The following ASTN2 variants were observed in gnomAD, a reference collection of about 807,000 sequenced individuals.
ASTN2 encodes the protein astrotactin 2.
A neutral mutation model predicts 139.8 loss-of-function variants in ASTN2; 54 were observed. That is an observed-to-expected ratio of 0.39 (90% confidence interval 0.31 to 0.48). ASTN2 has a LOEUF of 0.48. Among genes scored for constraint, ASTN2 ranks in the 20% least tolerant of loss-of-function variants. The pLI is 0.95. For missense variants in ASTN2, 1,565 were observed against 1,725.1 expected (o/e 0.91, Z 1.64); for synonymous variants, 756 against 719.5 (o/e 1.05, Z -0.81).
chr9:116,707,378 A>G (rs1294886175), intron 16 of ASTN2, among the ~76,000 whole-genome samples: 2 of 151,656 alleles, frequency 1.3e-5, no homozygotes, highest in Non-Finnish European at 2.9e-5. Context: ...TTCAAAGCCA[A>G]CTTAAGCACT....
chr9:116,976,270 G>T, intron 8 of ASTN2, 82 bp from the exon 9 acceptor site: 1 of 1,146,660 alleles, frequency 8.7e-7, no homozygotes, highest in Non-Finnish European at 1.3e-6. Context: ...CTCTAGAGTA[G>T]CTTTACAAAC....
chr9:116,597,297 CTA>C (rs1854628159), intron 19 of ASTN2, among the ~76,000 whole-genome samples: 1 of 56,374 alleles, frequency 1.8e-5, no homozygotes, highest in African/African-American at 5.2e-5. Context: ...GACTTTTGAT[CTA>C]TTTTTTTTTT....
intron 21 of ASTN2, among the ~76,000 whole-genome samples, chr9:116,441,450 A>G (rs891812280): frequency 6.6e-6 from 1 of 151,798 alleles, no homozygotes; most frequent in Non-Finnish European, 1.5e-5. Context: ...AAGAGTAAAA[A>G]TGGGAGGAAC....
intron 10 of ASTN2, among the ~76,000 whole-genome samples, chr9:116,892,298 G>T (rs937334757): frequency 6.6e-6 from 1 of 152,156 alleles, no homozygotes; most frequent in Non-Finnish European, 1.5e-5. Flanking sequence ...TCAAGCAGTT[G>T]CTATTTAAAA....
chr9:117,143,232 A>G (rs1234697930), intron 3 of ASTN2, among the ~76,000 whole-genome samples: 7 of 152,318 alleles, frequency 4.6e-5, no homozygotes, highest in Admixed American at 6.5e-5. Context: ...CTCCCTTGCT[A>G]TCTCTCTCCA....
At chr9:117,121,167 T>C (rs1829548666) in intron 4 of ASTN2, among the ~76,000 whole-genome samples, 1 of 152,236 alleles carries the variant, frequency 6.6e-6, no homozygotes. Flanking sequence ...CTACCCTCTG[T>C]CGTTACATAA....
intron 4 of ASTN2, among the ~76,000 whole-genome samples, chr9:117,134,178 G>A (rs192345808): frequency 4.0e-5 from 6 of 151,052 alleles, no homozygotes; most frequent in Admixed American, 2.0e-4. Context: ...GCAGAGCAAC[G>A]ACCCATTAAG....
chr9:117,009,145 C>G (rs530295689), intron 6 of ASTN2, among the ~76,000 whole-genome samples: 1 of 152,122 alleles, frequency 6.6e-6, no homozygotes, highest in Non-Finnish European at 1.5e-5. Context: ...GCTAGTGGCA[C>G]TAGATCTTCA....
chr9:116,592,281 G>T lies in ASTN2; in HGVS notation c.3355+26043C>A, dbSNP rs146267960. 3.0e-4 allele frequency among the ~76,000 whole-genome samples: 46 copies of T among 152,278 alleles called. No homozygotes were observed. The East Asian group carries it at 7.9e-3, about 26-fold the overall frequency. On this transcript the variant is annotated intron_variant, in intron 19 of 22. Coordinates refer to ENST00000313400, the MANE Select transcript of ASTN2 (RefSeq NM_001365068.1). Reference sequence around the variant, plus strand: ...CACAGTTCCACAGCCATGAAGCGTGGCTGAGGAGGCCTCAGGAAACTTACA... The same window carrying T: ...CACAGTTCCACAGCCATGAAGCGTGTCTGAGGAGGCCTCAGGAAACTTACA...
At chr9:117,100,370 A>C (rs1250047202) in intron 4 of ASTN2, among the ~76,000 whole-genome samples, 1 of 152,248 alleles carries the variant, frequency 6.6e-6, no homozygotes, top group Non-Finnish European at 1.5e-5. Flanking sequence ...AATGCAAACC[A>C]CATATGCCAT....
intron 16 of ASTN2, among the ~76,000 whole-genome samples, chr9:116,715,940 A>T (rs966875777): frequency 3.3e-5 from 5 of 152,172 alleles, no homozygotes; most frequent in Admixed American, 6.5e-5. Context: ...GCTGATAATG[A>T]CCAAGGGAAG....
At chr9:117,222,559 C>T (rs1462178179) in intron 2 of ASTN2, among the ~76,000 whole-genome samples, 1 of 152,178 alleles carries the variant, frequency 6.6e-6, no homozygotes, top group East Asian at 1.9e-4. Context: ...AGGGACCAAA[C>T]TCTCAGTCCT....
In ASTN2 at chr9:116,729,050, C is replaced by T. The variant is rs1041460553; in HGVS notation, c.2568G>A (p.Gln856=). 1.4e-5 allele frequency: 23 copies of T among 1,599,170 alleles called. No homozygotes were observed. The highest frequency in any genetic ancestry group is 1.8e-5 in the Non-Finnish European group (21 of 1,172,470). The change falls in exon 15 of 23, where the codon CAG becomes CAA. Residue 856 remains glutamine (Q), a synonymous_variant. Coordinates refer to ENST00000313400, the MANE Select transcript of ASTN2 (RefSeq NM_001365068.1). ...GGTAGAGGTTGCTCCGGACCCGCCA[C>T]TGCTGCACCATGGGGTAACCCATGG... The part of the protein sequence containing the change: ...DEAMGYPMVQ[Q]WRVRSNLYRV...
intron 20 of ASTN2, among the ~76,000 whole-genome samples, chr9:116,486,850 A>G (rs1647156287): frequency 6.6e-6 from 1 of 152,198 alleles, no homozygotes; most frequent in South Asian, 2.1e-4. Flanking sequence ...AGGAGTGATA[A>G]TTGCACTATT....
At chr9:116,738,890 T>C (rs1245896045) in intron 13 of ASTN2, among the ~76,000 whole-genome samples, 1 of 152,194 alleles carries the variant, frequency 6.6e-6, no homozygotes, top group Non-Finnish European at 1.5e-5. Context: ...CATTTAGAGA[T>C]GAGACCAGGC....
intron 4 of ASTN2, among the ~76,000 whole-genome samples, chr9:117,127,070 C>T (rs1487646854): frequency 6.6e-6 from 1 of 152,166 alleles, no homozygotes; most frequent in Admixed American, 6.5e-5. Flanking sequence ...CTGACTTGGA[C>T]TTGTATAGCT....
intron 13 of ASTN2, among the ~76,000 whole-genome samples, chr9:116,765,687 C>T (rs201342833): frequency 9.9e-5 from 15 of 151,812 alleles, no homozygotes; most frequent in East Asian, 5.8e-4. Context: ...TTAAAAAATA[C>T]GGCTGATCTT....
At position 116,698,309 on chromosome 9, in the gene ASTN2, G is replaced by A. The variant is rs1458919098; in HGVS notation, c.2806+27462C>T. ...ATAAAGCAGTTCTCCAGGAGTATGG[G>A]CATGAGGAGCGCAGGGTCCAGGATG... On this transcript the variant is annotated intron_variant, in intron 16 of 22. Transcript: ENST00000313400. The surrounding 1 kb of genome is among the most constrained non-coding windows in gnomAD (Gnocchi z 4.4). The A allele has an allele frequency of 6.2e-7, 1 of 1,614,148 alleles. No homozygotes were observed. Among genetic ancestry groups the A allele is most frequent in the Non-Finnish European group, 8.5e-7 (1 of 1,180,032 alleles).
At chr9:116,756,552 G>A (rs1199257879) in intron 13 of ASTN2, among the ~76,000 whole-genome samples, 1 of 152,030 alleles carries the variant, frequency 6.6e-6, no homozygotes, top group Non-Finnish European at 1.5e-5. Context: ...AAGCCACAGA[G>A]AGAATTTGCA....
Sources: allele counts gnomAD v4.1 joint callset (sites outside exome capture counted in the v4.1 genomes callset), GRCh38; gene constraint gnomAD v4.1.1; non-coding constraint Gnocchi (gnomAD v3.1); transcripts MANE v1.5; gene names NCBI Gene and HGNC (gene_info 2026-07-23, HGNC 2026-07-21).